The following ADAMTS17 variants were observed in gnomAD, a reference collection of about 807,000 sequenced individuals.
ADAMTS17 encodes the protein ADAM metallopeptidase with thrombospondin type 1 motif 17, also known as A disintegrin and metalloproteinase with thrombospondin motifs 17.
ADAMTS17 carries 113 observed loss-of-function variants against 141.5 expected under a neutral mutation model. The observed-to-expected ratio is 0.80, with a 90% CI of 0.69 to 0.93. ADAMTS17 has a LOEUF of 0.93. Ranked by LOEUF, ADAMTS17 falls within the 40% of genes least tolerant of loss-of-function variation. ADAMTS17 has a pLI of 0.00. For missense variants in ADAMTS17, 1,659 were observed against 1,517.9 expected (o/e 1.09, Z -1.54); for synonymous variants, 768 against 630.6 (o/e 1.22, Z -3.27).
At position 100,281,327 on chromosome 15, in the gene ADAMTS17, C is replaced by T. The variant is rs374234290; in HGVS notation, c.691G>A (p.Glu231Lys). The stretch of plus-strand genomic sequence containing the variant: ...ACCACCAGGGTCTCCACCGTGTGCT[C>T]GCTGGTGAGCCGGATAGCGTTCCTC... Reference protein sequence around the residue: ...ERRNAIRLTSEHTVETLVVAD... With the variant: ...ERRNAIRLTSKHTVETLVVAD... Residue 231 changes from glutamate (E) to lysine (K), a missense_variant, in exon 4 of 22, where the codon GAG becomes AAG. By Grantham distance (56) the Glu-to-Lys change is moderately conservative (BLOSUM62 1). Transcript: ENST00000268070. The T allele has an allele frequency of 2.4e-4, 383 of 1,610,342 alleles. No individual in the cohort carries two copies. Among genetic ancestry groups the T allele is most frequent in the Non-Finnish European group, 3.1e-4 (369 of 1,179,994 alleles).
intron 8 of ADAMTS17, among the ~76,000 whole-genome samples, chr15:100,165,750 T>G (rs2039924195): frequency 6.6e-6 from 1 of 152,118 alleles, no homozygotes; most frequent in African/African-American, 2.4e-5. Context: ...GGAATAAGAA[T>G]ATAGCCTCCC....
At chr15:100,053,443 C>T (rs903228432) in intron 16 of ADAMTS17, among the ~76,000 whole-genome samples, 2 of 152,140 alleles carry the variant, frequency 1.3e-5, no homozygotes, top group African/African-American at 4.8e-5. Context: ...GTCTGTGAAA[C>T]CTGAGGGATT....
chr15:100,059,861 G>A (rs574814101), intron 15 of ADAMTS17, among the ~76,000 whole-genome samples: 15 of 152,258 alleles, frequency 9.9e-5, no homozygotes, highest in African/African-American at 3.4e-4. Flanking sequence ...TATGCATAAT[G>A]TATTTTTTTT....
At position 100,102,026 on chromosome 15, in the gene ADAMTS17, T is replaced by C. The variant is rs1237204105; in HGVS notation, c.2017-5550A>G. ...TTCATTCTTGTTTTGCTAAACTACA[T>C]GTAACTTCTGCAGAACGCATGCATG... On this transcript the variant is annotated intron_variant, in intron 14 of 21. Coordinates refer to ENST00000268070, the MANE Select transcript of ADAMTS17 (RefSeq NM_139057.4). Among the ~76,000 whole-genome samples the C allele has an allele frequency of 2.6e-5, 4 of 152,364 alleles. No homozygotes were observed. In the South Asian group the frequency reaches 6.2e-4, roughly 24 times the overall value.
At chr15:100,186,278 G>A (rs1240169663) in intron 8 of ADAMTS17, among the ~76,000 whole-genome samples, 2 of 152,214 alleles carry the variant, frequency 1.3e-5, no homozygotes, top group Non-Finnish European at 2.9e-5. Flanking sequence ...CATGGCGAGT[G>A]CATGGACTTC....
chr15:100,217,944 A>T (rs935287006), intron 7 of ADAMTS17, among the ~76,000 whole-genome samples: 6 of 152,210 alleles, frequency 3.9e-5, no homozygotes, highest in Non-Finnish European at 8.8e-5. Flanking sequence ...GCAGTGCTAC[A>T]ATCAGTGCTC....
chr15:100,084,658 G>A (rs770180529), intron 15 of ADAMTS17, among the ~76,000 whole-genome samples: 14 of 152,292 alleles, frequency 9.2e-5, no homozygotes, highest in African/African-American at 3.1e-4. Context: ...CCAGAGGAAC[G>A]ATCAGGCAGC....
chr15:100,332,432 G>A (rs1362112366), intron 2 of ADAMTS17, among the ~76,000 whole-genome samples: 3 of 152,214 alleles, frequency 2.0e-5, no homozygotes, highest in Non-Finnish European at 2.9e-5. Context: ...GGAGCCCCGC[G>A]TGGGAGGACC....
chr15:100,026,100 C>T (rs1488897897), intron 18 of ADAMTS17, among the ~76,000 whole-genome samples: 2 of 152,188 alleles, frequency 1.3e-5, no homozygotes, highest in African/African-American at 4.8e-5. Context: ...AATTCTGACT[C>T]CTACCATCAC....
chr15:100,068,332 C>T (rs1276766958), intron 15 of ADAMTS17, among the ~76,000 whole-genome samples: 5 of 152,156 alleles, frequency 3.3e-5, no homozygotes, highest in Non-Finnish European at 5.9e-5. Context: ...CAGGGCAGGG[C>T]ATAGCCAAAC....
chr15:100,166,028 A>G (rs74037530), intron 8 of ADAMTS17, among the ~76,000 whole-genome samples: 3,181 of 152,324 alleles, frequency 0.021, 130 homozygotes, highest in East Asian at 0.18. Flanking sequence ...GGGAGAAATC[A>G]CATCATTAGA....
chr15:100,195,729 T>C (rs192144603), intron 8 of ADAMTS17, among the ~76,000 whole-genome samples: 1 of 151,900 alleles, frequency 6.6e-6, no homozygotes, highest in East Asian at 1.9e-4. Context: ...GATACGGTCA[T>C]TGTCCTTGGT....
At chr15:100,024,326 C>G (rs1165180939) in intron 18 of ADAMTS17, among the ~76,000 whole-genome samples, 2 of 152,198 alleles carry the variant, frequency 1.3e-5, no homozygotes. Flanking sequence ...AAACTCCTGG[C>G]TTCAAGCAGT....
intron 15 of ADAMTS17, among the ~76,000 whole-genome samples, chr15:100,069,187 T>G (rs1050521320): frequency 6.6e-6 from 1 of 152,024 alleles, no homozygotes; most frequent in Non-Finnish European, 1.5e-5. Context: ...AAGAGAAGTT[T>G]AGAGAAAAAA....
At chr15:100,146,294 G>T (rs1424166288) in intron 10 of ADAMTS17, among the ~76,000 whole-genome samples, 1 of 152,206 alleles carries the variant, frequency 6.6e-6, no homozygotes, top group African/African-American at 2.4e-5. Flanking sequence ...CATGGCAGAA[G>T]AACGTGGATT....
chr15:100,004,617 CTTTTTTTTTTTT>C (rs10591279), intron 18 of ADAMTS17, among the ~76,000 whole-genome samples: 1 of 116,240 alleles, frequency 8.6e-6, no homozygotes, highest in Non-Finnish European at 1.8e-5. Context: ...TACTGTAATT[CTTTTTTTTTTTT>C]TTTTTTTTTT....
At chr15:100,300,746 T>C (rs2045001476) in intron 3 of ADAMTS17, among the ~76,000 whole-genome samples, 1 of 152,212 alleles carries the variant, frequency 6.6e-6, no homozygotes, top group African/African-American at 2.4e-5. Context: ...CTTTCATGAG[T>C]TCCAGCATCT....
chr15:100,070,618 T>G (rs1463776297), intron 15 of ADAMTS17, among the ~76,000 whole-genome samples: 2 of 150,054 alleles, frequency 1.3e-5, no homozygotes, highest in South Asian at 4.2e-4. Context: ...ACATGGAAAC[T>G]GAACAACCTG....
At chr15:99,994,643 T>C (rs922096587) in intron 19 of ADAMTS17, among the ~76,000 whole-genome samples, 63 of 152,244 alleles carry the variant, frequency 4.1e-4, no homozygotes, top group Non-Finnish European at 8.8e-5. Context: ...ATCGGCTCAC[T>C]GCAACCTCCG....
Sources: gnomAD v4.1 joint callset for allele counts (sites outside exome capture counted in the v4.1 genomes callset) on GRCh38, gnomAD v4.1.1 for gene constraint, MANE v1.5 for transcripts, NCBI Gene and HGNC (gene_info 2026-07-23, HGNC 2026-07-21) for gene names.